Variants in SLC35D4 observed in about 807,000 individuals in gnomAD.
SLC35D4 encodes the protein solute carrier family 35 member D4.
At chr18:23,254,178 C>CT in the SLC35D4 span, among the ~76,000 whole-genome samples, 1 of 152,228 alleles carries the variant, frequency 6.6e-6, no homozygotes, top group African/African-American at 2.4e-5. Flanking sequence ...AGTCCATTCT[C>CT]AGACACCATG....
chr18:23,261,736 CCTT>C, the SLC35D4 span, among the ~76,000 whole-genome samples: 2 of 152,200 alleles, frequency 1.3e-5, no homozygotes, highest in Non-Finnish European at 2.9e-5. Flanking sequence ...ATAGTCAACA[CCTT>C]CTTACAAAAT....
the SLC35D4 span, among the ~76,000 whole-genome samples, chr18:23,270,164 G>A: frequency 7.2e-5 from 11 of 152,320 alleles, no homozygotes; most frequent in African/African-American, 2.6e-4. Flanking sequence ...GGAGGCTAGG[G>A]ACTTGGTGCC....
chr18:23,305,558 T>C, the SLC35D4 span, among the ~76,000 whole-genome samples: 1 of 152,182 alleles, frequency 6.6e-6, no homozygotes, highest in East Asian at 1.9e-4. Context: ...AATGAGATAA[T>C]ATTAATGTAA....
the SLC35D4 span, chr18:23,253,152 T>C: frequency 4.0e-6 from 3 of 745,226 alleles, no homozygotes; most frequent in South Asian, 4.7e-5. Context: ...CCAGTGGTCC[T>C]TCCTGTGGTT....
chr18:23,370,258 G>A, the SLC35D4 span: 1 of 1,612,542 alleles, frequency 6.2e-7, no homozygotes, highest in Non-Finnish European at 8.5e-7. Context: ...AATTTTATAA[G>A]CCCCTGAAAA....
chr18:23,238,826 C>T, the SLC35D4 span, among the ~76,000 whole-genome samples: 1 of 152,236 alleles, frequency 6.6e-6, no homozygotes, highest in Non-Finnish European at 1.5e-5. Flanking sequence ...AGGCTGTTTT[C>T]ACGTTGCCCA....
chr18:23,277,247 T>C, the SLC35D4 span, among the ~76,000 whole-genome samples: 13,486 of 152,180 alleles, frequency 0.089, 825 homozygotes, highest in African/African-American at 0.17. Flanking sequence ...TGGGGGCGGT[T>C]TCACCCATAC....
At chr18:23,266,603 G>A in the SLC35D4 span, among the ~76,000 whole-genome samples, 1,674 of 152,296 alleles carry the variant, frequency 0.011, 11 homozygotes, top group Middle Eastern at 0.02. Flanking sequence ...GAGGCACAGT[G>A]GTCTCTTCAA....
At chr18:23,358,218 C>T in the SLC35D4 span, among the ~76,000 whole-genome samples, 8 of 152,150 alleles carry the variant, frequency 5.3e-5, no homozygotes, top group Non-Finnish European at 8.8e-5. Flanking sequence ...GGAACTGCAG[C>T]GCAGCCAATG....
the SLC35D4 span, among the ~76,000 whole-genome samples, chr18:23,427,614 C>T: frequency 1.3e-5 from 2 of 152,130 alleles, no homozygotes; most frequent in African/African-American, 4.8e-5. Context: ...AGTGTGGCGA[C>T]TCCTCAAGGA....
chr18:23,285,789 CG>C, the SLC35D4 span, among the ~76,000 whole-genome samples: 2 of 152,284 alleles, frequency 1.3e-5, no homozygotes, highest in East Asian at 1.9e-4. Context: ...CTCCTCACAC[CG>C]GGTCCGGCTT....
the SLC35D4 span, among the ~76,000 whole-genome samples, chr18:23,278,631 A>C: frequency 6.6e-6 from 1 of 152,176 alleles, no homozygotes; most frequent in African/African-American, 2.4e-5. Context: ...ACAGGTGCTG[A>C]GGCTGGTGCT....
At chr18:23,276,428 TTTTG>T in the SLC35D4 span, among the ~76,000 whole-genome samples, 5 of 147,530 alleles carry the variant, frequency 3.4e-5, no homozygotes, top group African/African-American at 1.3e-4. Context: ...TTTACCAGAA[TTTTG>T]TTTTTTTTTT....
At chr18:23,240,025 G>A in the SLC35D4 span, among the ~76,000 whole-genome samples, 1 of 152,204 alleles carries the variant, frequency 6.6e-6, no homozygotes, top group Non-Finnish European at 1.5e-5. Flanking sequence ...GGCTGAGGTG[G>A]GAGAATTGCT....
chr18:23,343,876 T>C, the SLC35D4 span, among the ~76,000 whole-genome samples: 1 of 151,972 alleles, frequency 6.6e-6, no homozygotes, highest in African/African-American at 2.4e-5. Context: ...CCATCCATGT[T>C]GCTGCAAAGG....
At chr18:23,298,172 G>A in the SLC35D4 span, 1 of 1,317,426 alleles carries the variant, frequency 7.6e-7, no homozygotes, top group Non-Finnish European at 1.1e-6. Context: ...TCCTGCAACT[G>A]AGACTCATCA....
chr18:23,252,169 A>G, the SLC35D4 span, among the ~76,000 whole-genome samples: 2 of 152,264 alleles, frequency 1.3e-5, no homozygotes, highest in South Asian at 4.2e-4. Context: ...CATAAGGCAA[A>G]TTTATAGAGA....
the SLC35D4 span, among the ~76,000 whole-genome samples, chr18:23,248,512 CT>C: frequency 0.012 from 1,103 of 90,724 alleles, 21 homozygotes; most frequent in Admixed American, 0.049. Context: ...GACCCTATGT[CT>C]TTTTTTTTTT....
At chr18:23,431,196 A>G in the SLC35D4 span, among the ~76,000 whole-genome samples, 232 of 151,914 alleles carry the variant, frequency 1.5e-3, no homozygotes, top group African/African-American at 5.3e-3. Context: ...AAAAGAAAAG[A>G]AAAAAGAGAT....
Sources: gnomAD v4.1 joint callset for allele counts (sites outside exome capture counted in the v4.1 genomes callset) on GRCh38, gnomAD v4.1.1 for gene constraint, MANE v1.5 for transcripts, NCBI Gene and HGNC (gene_info 2026-07-23, HGNC 2026-07-21) for gene names.